The following CDK14 variants were observed in gnomAD, a reference collection of about 807,000 sequenced individuals.
The protein encoded by CDK14 is cyclin-dependent kinase 14.
In CDK14, 34 loss-of-function variants were observed where a neutral mutation model predicts 60.7. The observed-to-expected ratio is 0.56, with a 90% CI of 0.43 to 0.75. The LOEUF (loss-of-function observed/expected upper bound fraction) is 0.75. CDK14 is among the 30% of genes least tolerant of loss of function. CDK14 has a pLI of 0.00. For missense variants in CDK14, 482 were observed against 564.1 expected, an observed-to-expected ratio of 0.85 and a Z score of 1.47; for synonymous variants, 197 against 203.7, an observed-to-expected ratio of 0.97 and a Z score of 0.28.
chr7:90,690,663 C>T (rs1801534781), intron 2 of CDK14, among the ~76,000 whole-genome samples: 1 of 151,996 alleles, frequency 6.6e-6, no homozygotes, highest in Non-Finnish European at 1.5e-5. Context: ...TCATATTGAG[C>T]CAGATGGCGT....
At position 90,773,663 on chromosome 7, in the gene CDK14, C is replaced by T. The variant is rs537947443; in HGVS notation, c.465-16910C>T. On this transcript the variant is annotated intron_variant, in intron 4 of 14. Coordinates refer to ENST00000380050, the MANE Select transcript of CDK14 (RefSeq NM_001287135.2). Reference sequence around the variant, plus strand: ...CTGAAATTAAAGGTGTGAGCCACCTCGCCTGGCTCTATTTTTGAATTAAAG... The same window carrying T: ...CTGAAATTAAAGGTGTGAGCCACCTTGCCTGGCTCTATTTTTGAATTAAAG... 8.5e-5 allele frequency among the ~76,000 whole-genome samples: 13 copies of T among 152,248 alleles called. No homozygotes were observed. In the East Asian group the frequency reaches 1.7e-3, roughly 20 times the overall value.
intron 14 of CDK14, among the ~76,000 whole-genome samples, chr7:91,140,206 G>T (rs1303445872): frequency 1.3e-5 from 2 of 152,240 alleles, no homozygotes; most frequent in East Asian, 3.9e-4. Context: ...CTCTTTAATA[G>T]AAATAAATAG....
At chr7:90,998,890 A>T (rs959735803) in intron 10 of CDK14, among the ~76,000 whole-genome samples, 2 of 133,346 alleles carry the variant, frequency 1.5e-5, no homozygotes, top group African/African-American at 5.4e-5. Flanking sequence ...CTCCATCTCA[A>T]AAATAAAATA....
intron 6 of CDK14, among the ~76,000 whole-genome samples, 197 bp from the exon 7 acceptor site, chr7:90,899,094 G>A (rs530769424): frequency 4.6e-5 from 7 of 151,824 alleles, no homozygotes; most frequent in South Asian, 2.1e-4. Context: ...AAACAGAGCC[G>A]AGAGGGAAAA....
chr7:90,883,693 A>G (rs940140095), intron 6 of CDK14, among the ~76,000 whole-genome samples: 1 of 152,188 alleles, frequency 6.6e-6, no homozygotes, highest in Non-Finnish European at 1.5e-5. Flanking sequence ...TCCTCAATAA[A>G]TTACTGGCAA....
chr7:90,613,577 C>T (rs1048352669), intron 2 of CDK14, among the ~76,000 whole-genome samples: 1 of 151,744 alleles, frequency 6.6e-6, no homozygotes, highest in Admixed American at 6.6e-5. Flanking sequence ...ATCCCAGCTA[C>T]TTGGGAGGCC....
intron 11 of CDK14, among the ~76,000 whole-genome samples, chr7:91,067,131 C>T (rs1009765535): frequency 2.6e-5 from 4 of 152,162 alleles, no homozygotes; most frequent in Admixed American, 2.0e-4. Context: ...AGGCAGTTGA[C>T]TATTTTATTA....
chr7:90,737,273 G>A (rs906692314), intron 3 of CDK14, among the ~76,000 whole-genome samples: 7 of 152,186 alleles, frequency 4.6e-5, no homozygotes. Context: ...TGATCTTAAA[G>A]AGGGCATATT....
chr7:91,057,211 T>G (rs921799144), intron 11 of CDK14, among the ~76,000 whole-genome samples: 1 of 152,192 alleles, frequency 6.6e-6, no homozygotes, highest in Non-Finnish European at 1.5e-5. Context: ...TGTCTTCTTT[T>G]GAGAAGTGTC....
intron 5 of CDK14, among the ~76,000 whole-genome samples, chr7:90,850,694 G>C (rs1790621180): frequency 6.6e-6 from 1 of 152,182 alleles, no homozygotes; most frequent in African/African-American, 2.4e-5. Flanking sequence ...GGAGTTCCAA[G>C]TGTGATAGGG....
chr7:90,637,843 G>A (rs534063553), intron 2 of CDK14, among the ~76,000 whole-genome samples: 2 of 149,810 alleles, frequency 1.3e-5, no homozygotes, highest in South Asian at 4.3e-4. Flanking sequence ...ATATATTTAG[G>A]ATAGTTAGCT....
chr7:91,087,667 C>T (rs1798679204), intron 12 of CDK14, among the ~76,000 whole-genome samples: 1 of 152,178 alleles, frequency 6.6e-6, no homozygotes, highest in Non-Finnish European at 1.5e-5. Context: ...CCCTGTCCTA[C>T]CTCCCAGTGA....
At chr7:90,787,512 A>G (rs1238556443) in intron 4 of CDK14, among the ~76,000 whole-genome samples, 2 of 152,328 alleles carry the variant, frequency 1.3e-5, no homozygotes, top group Admixed American at 1.3e-4. Flanking sequence ...ACTTTTAGTA[A>G]TTTATTCTGG....
At chr7:91,062,037 A>G (rs1797812121) in intron 11 of CDK14, among the ~76,000 whole-genome samples, 1 of 152,186 alleles carries the variant, frequency 6.6e-6, no homozygotes, top group South Asian at 2.1e-4. Flanking sequence ...TTGAGCTGCG[A>G]TGGGCTCCAC....
chr7:90,986,500 G>A (rs1056344728), intron 10 of CDK14, among the ~76,000 whole-genome samples: 2 of 151,850 alleles, frequency 1.3e-5, no homozygotes, highest in South Asian at 2.1e-4. Flanking sequence ...TCCTATCCAC[G>A]ATTAAATTAT....
intron 11 of CDK14, among the ~76,000 whole-genome samples, chr7:91,055,491 A>G (rs780301895): frequency 2.6e-5 from 4 of 152,202 alleles, no homozygotes; most frequent in Admixed American, 1.3e-4. Flanking sequence ...AAGTAGTAAG[A>G]TTAAATTTTC....
chr7:91,035,013 G>T (rs1389901543), intron 10 of CDK14, among the ~76,000 whole-genome samples: 1 of 151,060 alleles, frequency 6.6e-6, no homozygotes, highest in Non-Finnish European at 1.5e-5. Flanking sequence ...AAAATATTCT[G>T]TTAGCCATGT....
At chr7:90,984,391 GA>G in intron 10 of CDK14, 150 bp downstream of exon 10, 1 of 618,176 alleles carries the variant, frequency 1.6e-6, no homozygotes. Flanking sequence ...GAAAAAGCAG[GA>G]AATCAGTTAA....
chr7:91,097,832 A>G (rs1799040289), intron 12 of CDK14, among the ~76,000 whole-genome samples: 1 of 152,166 alleles, frequency 6.6e-6, no homozygotes, highest in Admixed American at 6.5e-5. Flanking sequence ...CACGTAGTAA[A>G]CCATATGTTT....
Sources: allele counts gnomAD v4.1 joint callset (sites outside exome capture counted in the v4.1 genomes callset), GRCh38; gene constraint gnomAD v4.1.1; transcripts MANE v1.5; gene names NCBI Gene and HGNC (gene_info 2026-07-23, HGNC 2026-07-21).